The following GIGYF2 variants were observed in gnomAD, a reference collection of about 807,000 sequenced individuals.
GIGYF2 encodes the protein GRB10-interacting GYF protein 2.
In GIGYF2, 25 loss-of-function variants were observed where a neutral mutation model predicts 208.1. That is an observed-to-expected ratio of 0.12 (90% CI 0.09 to 0.17). The LOEUF is 0.17. Among genes scored for constraint, GIGYF2 ranks in the 10% least tolerant of loss-of-function variants. GIGYF2 has a pLI of 1.00. For missense variants in GIGYF2, 1,302 were observed against 1,579.4 expected (o/e 0.82, Z 2.98); for synonymous variants, 534 against 543.8 (o/e 0.98, Z 0.25).
At chr2:232,820,370 A>C (rs867174917) in intron 21 of GIGYF2, among the ~76,000 whole-genome samples, 6 of 141,170 alleles carry the variant, frequency 4.3e-5, no homozygotes, top group African/African-American at 1.1e-4. Flanking sequence ...GCTGGAGTGC[A>C]GTGGTGTGAT....
chr2:232,728,725 ACT>A (rs776681560), intron 2 of GIGYF2, among the ~76,000 whole-genome samples: 5 of 152,098 alleles, frequency 3.3e-5, no homozygotes, highest in Non-Finnish European at 7.4e-5. Context: ...TGACACCCCT[ACT>A]CTCTGCATGC....
intron 8 of GIGYF2, among the ~76,000 whole-genome samples, chr2:232,781,102 C>T (rs1007170840): frequency 2.0e-4 from 31 of 152,022 alleles, no homozygotes; most frequent in Middle Eastern, 3.4e-3. Context: ...GGACTACAGG[C>T]GCACACTACC....
intron 8 of GIGYF2, among the ~76,000 whole-genome samples, chr2:232,762,793 C>T (rs1339086011): frequency 6.6e-6 from 1 of 151,984 alleles, no homozygotes; most frequent in Non-Finnish European, 1.5e-5. Flanking sequence ...CCTATAATCC[C>T]AGTGCTTTGG....
intron 8 of GIGYF2, among the ~76,000 whole-genome samples, chr2:232,783,496 G>A (rs1203161506): frequency 6.6e-6 from 1 of 152,058 alleles, no homozygotes; most frequent in Non-Finnish European, 1.5e-5. Flanking sequence ...GAGGTGTTGT[G>A]GAGAATGAAG....
At chr2:232,830,029 G>A (rs1453264156) in intron 21 of GIGYF2, among the ~76,000 whole-genome samples, 1 of 152,052 alleles carries the variant, frequency 6.6e-6, no homozygotes, top group Non-Finnish European at 1.5e-5. Context: ...GCCCAGGCTG[G>A]AGTGCAGTGG....
intron 3 of GIGYF2, among the ~76,000 whole-genome samples, chr2:232,747,356 C>CT (rs1167539455): frequency 7.9e-5 from 12 of 151,982 alleles, no homozygotes; most frequent in Non-Finnish European, 1.6e-4. Context: ...TTTTCATTCT[C>CT]TAAGCTTCTG....
At chr2:232,739,250 C>G (rs1356764871) in intron 3 of GIGYF2, among the ~76,000 whole-genome samples, 4 of 150,706 alleles carry the variant, frequency 2.7e-5, no homozygotes, top group African/African-American at 9.8e-5. Flanking sequence ...TCTAGCTACT[C>G]AAGAGGCTGA....
At position 232,839,982 on chromosome 2, in the gene GIGYF2, A is replaced by G. The variant is rs201941371; in HGVS notation, c.2889+11A>G. The G allele has an allele frequency of 1.6e-5, 26 of 1,613,298 alleles. No individual in the cohort carries two copies. The highest frequency in any genetic ancestry group is 2.2e-5 in the Non-Finnish European group (26 of 1,179,454). On this transcript the variant is annotated intron_variant, in intron 23 of 28. Coordinates refer to ENST00000373563, the MANE Select transcript of GIGYF2 (RefSeq NM_001103146.3). Reference sequence around the variant, plus strand: ...CAGCTTCGAGAAGAGGTAAAATTTTAAAGTAAAAGGGATCTAGTCAAGCGA... The same window carrying G: ...CAGCTTCGAGAAGAGGTAAAATTTTGAAGTAAAAGGGATCTAGTCAAGCGA...
chr2:232,751,146 G>T (rs530101164), intron 5 of GIGYF2, among the ~76,000 whole-genome samples: 1 of 152,148 alleles, frequency 6.6e-6, no homozygotes, highest in South Asian at 2.1e-4. Flanking sequence ...ATATTTTAAA[G>T]TCATTGACCA....
chr2:232,712,535 A>T (rs769683060), intron 2 of GIGYF2, among the ~76,000 whole-genome samples: 11 of 152,224 alleles, frequency 7.2e-5, no homozygotes, highest in South Asian at 2.1e-4. Flanking sequence ...AATTAACTTC[A>T]GTCATGCTAT....
At chr2:232,706,901 G>A (rs1015161511) in intron 2 of GIGYF2, among the ~76,000 whole-genome samples, 4 of 146,012 alleles carry the variant, frequency 2.7e-5, no homozygotes, top group Non-Finnish European at 5.9e-5. Flanking sequence ...AGCCGTGATT[G>A]CACCACTGCA....
rs528587053 is a variant in GIGYF2, at chr2:232,736,884, G to T, written c.41+1646G>T. Among the ~76,000 whole-genome samples, 24 of 152,182 alleles carry T rather than the reference G, an allele frequency of 1.6e-4. No individual in the cohort carries two copies. In the South Asian group the frequency reaches 4.6e-3, roughly 29 times the overall value. ...TTTTTCAGCATCCTGCTGTTTATAG[G>T]TAACAGAAAGGGAACACCAGGAATT... On this transcript the variant is annotated intron_variant, in intron 3 of 28. Transcript: ENST00000373563.
At chr2:232,728,035 G>A (rs1697288819) in intron 2 of GIGYF2, among the ~76,000 whole-genome samples, 1 of 152,182 alleles carries the variant, frequency 6.6e-6, no homozygotes, top group Non-Finnish European at 1.5e-5. Context: ...CCTTCCAGAG[G>A]GAGCAGTGCT....
chr2:232,753,888 C>T (rs1020325030), intron 5 of GIGYF2, among the ~76,000 whole-genome samples: 8 of 151,898 alleles, frequency 5.3e-5, no homozygotes, highest in Non-Finnish European at 1.0e-4. Context: ...ATTTGTGGCC[C>T]GGCACAGTGG....
chr2:232,793,445 T>A (rs1700130093), intron 12 of GIGYF2, among the ~76,000 whole-genome samples: 1 of 152,026 alleles, frequency 6.6e-6, no homozygotes, highest in South Asian at 2.1e-4. Flanking sequence ...AGGATTATGG[T>A]GCCATTCACA....
chr2:232,799,580 A>G (rs1700330857), intron 14 of GIGYF2, among the ~76,000 whole-genome samples: 1 of 151,196 alleles, frequency 6.6e-6, no homozygotes, highest in South Asian at 2.1e-4. Context: ...TAATAATAAT[A>G]ATAATACTGC....
intron 2 of GIGYF2, among the ~76,000 whole-genome samples, chr2:232,732,429 T>C (rs918080678): frequency 6.6e-6 from 1 of 152,144 alleles, no homozygotes; most frequent in Non-Finnish European, 1.5e-5. Flanking sequence ...TTTTCTGTTA[T>C]ACAATAAATT....
At chr2:232,705,208 G>A (rs954591845) in intron 2 of GIGYF2, among the ~76,000 whole-genome samples, 55 of 152,034 alleles carry the variant, frequency 3.6e-4, no homozygotes, top group African/African-American at 1.2e-3. Context: ...GTATTAGGAA[G>A]CCATATAGAA....
chr2:232,756,645 C>A (rs1698554965), intron 6 of GIGYF2, among the ~76,000 whole-genome samples: 1 of 152,152 alleles, frequency 6.6e-6, no homozygotes, highest in Admixed American at 6.5e-5. Flanking sequence ...GCCAACGACT[C>A]CTGAAGTGTC....
Sources: allele counts gnomAD v4.1 joint callset (sites outside exome capture counted in the v4.1 genomes callset), GRCh38; gene constraint gnomAD v4.1.1; transcripts MANE v1.5; gene names NCBI Gene and HGNC (gene_info 2026-07-23, HGNC 2026-07-21).